UBR1: variants seen among roughly 807,000 people sequenced by gnomAD.
The protein encoded by UBR1 is ubiquitin protein ligase E3 component n-recognin 1.
In UBR1, 102 loss-of-function variants were observed where a neutral mutation model predicts 242.1. The ratio of observed to expected loss-of-function variants is 0.42; its 90% CI spans 0.36 to 0.50. The LOEUF (loss-of-function observed/expected upper bound fraction) is 0.50, where lower values mean the gene tolerates loss of function less well. Among genes scored for constraint, UBR1 ranks in the 20% least tolerant of loss-of-function variants. The probability of loss-of-function intolerance (pLI) is 0.01; values close to 1 mark genes in which losing one functional copy is unlikely to be tolerated. For missense variants in UBR1, 1,772 were observed against 2,101.8 expected (o/e 0.84, Z 3.07); for synonymous variants, 675 against 684.8 (o/e 0.99, Z 0.22).
intron 10 of UBR1, among the ~76,000 whole-genome samples, chr15:43,057,963 G>A (rs979131975): frequency 1.3e-5 from 2 of 151,786 alleles, no homozygotes; most frequent in Non-Finnish European, 1.5e-5. Flanking sequence ...AGACTAGAGG[G>A]CAGTGGCGCG....
chr15:43,021,398 AC>A (rs1161721694), intron 26 of UBR1, 23 bp from the exon 27 acceptor site: 1 of 1,606,484 alleles, frequency 6.2e-7, no homozygotes, highest in Admixed American at 1.7e-5. Flanking sequence ...ACAAAATCAC[AC>A]ATCATAAATA....
chr15:43,011,906 T>C, intron 29 of UBR1: 1 of 453,666 alleles, frequency 2.2e-6, no homozygotes, highest in East Asian at 7.0e-5. Flanking sequence ...GAGACCACTA[T>C]GCAGCAGTCA....
Position 42,977,893 on chromosome 15 carries a change from A to G in UBR1, c.4205T>C (p.Leu1402Pro). 1 of 1,613,138 alleles carries G rather than the reference A, an allele frequency of 6.2e-7. No homozygotes were observed. The highest frequency in any genetic ancestry group is 8.5e-7 in the Non-Finnish European group (1 of 1,179,316). The change falls in exon 38 of 47, where the codon CTG becomes CCG. Residue 1402 changes from leucine (L) to proline (P), a missense_variant. By Grantham distance (98) the Leu-to-Pro change is moderately conservative (BLOSUM62 -3). Coordinates refer to ENST00000290650, the MANE Select transcript of UBR1 (RefSeq NM_174916.3). The part of the protein sequence containing the change: ...EDTPCLLSID[L>P]FHVLVGAVLA... ...CTGAACACTTACCAAAACATGAAAC[A>G]GATCTATAGACAGAAGGCATGGTGT...
rs542981641 is a variant in UBR1 at position 43,029,804 on chromosome 15, G to A, written c.2379+140C>T. On this transcript the variant is annotated intron_variant, in intron 21 of 46. Coordinates refer to ENST00000290650, the MANE Select transcript of UBR1 (RefSeq NM_174916.3). ...AGAATTAAAATTTATACCACTAAAG[G>A]ATGAAGGTGATTGGTTTACATCTAT... 99 of 900,132 alleles carry A rather than the reference G, an allele frequency of 1.1e-4. 1 individual carries two copies. In the East Asian group the frequency reaches 1.3e-3, roughly 12 times the overall value. The allele number at this position is 900,132 out of a possible 1,614,324, so 55.8% of individuals were successfully genotyped here.
intron 1 of UBR1, among the ~76,000 whole-genome samples, chr15:43,088,268 A>C (rs1012780446): frequency 5.9e-5 from 9 of 152,210 alleles, no homozygotes; most frequent in Admixed American, 3.3e-4. Context: ...ATATATATTT[A>C]CATCCACCAG....
chr15:42,970,513 T>C lies in UBR1; in HGVS notation c.4457+7A>G. ...ACAATAGACTGAACTAATGGATTGTTACTCACCCACTTGTATATTGAGAAA... is the reference window on the plus strand; with the variant it reads ...ACAATAGACTGAACTAATGGATTGTCACTCACCCACTTGTATATTGAGAAA... On this transcript the variant is annotated splice_region_variant and intron_variant, in intron 40 of 46. Transcript: ENST00000290650. The C allele has an allele frequency of 2.5e-6, 4 of 1,612,002 alleles. No individual in the cohort carries two copies. The highest frequency in any genetic ancestry group is 2.2e-5 in the East Asian group (1 of 44,866).
intron 35 of UBR1, among the ~76,000 whole-genome samples, chr15:42,987,060 A>G (rs1008698183): frequency 3.2e-4 from 48 of 152,228 alleles, no homozygotes; most frequent in African/African-American, 1.1e-3. Context: ...CTCAGCTCCC[A>G]TGCCCCTGCA....
At chr15:43,069,652 T>A (rs2033799852) in intron 5 of UBR1, among the ~76,000 whole-genome samples, 1 of 152,184 alleles carries the variant, frequency 6.6e-6, no homozygotes, top group Admixed American at 6.5e-5. Flanking sequence ...GAGGGGCATA[T>A]TTTCTCAGCC....
chr15:42,953,159 A>G (rs1343708596), intron 44 of UBR1, among the ~76,000 whole-genome samples: 1 of 152,360 alleles, frequency 6.6e-6, no homozygotes, highest in East Asian at 1.9e-4. Flanking sequence ...GACTTGCTTG[A>G]GTCAACTAGT....
intron 39 of UBR1, among the ~76,000 whole-genome samples, chr15:42,971,021 G>C (rs967205961): frequency 6.6e-6 from 1 of 152,148 alleles, no homozygotes; most frequent in African/African-American, 2.4e-5. Flanking sequence ...AGCCCCACCT[G>C]TTTTTAATCT....
chr15:43,054,712 T>G (rs1225571495), intron 12 of UBR1, 30 bp downstream of exon 12: 1 of 1,613,206 alleles, frequency 6.2e-7, no homozygotes, highest in East Asian at 2.2e-5. Flanking sequence ...GTTTAACAGG[T>G]GCCCTCACCT....
chr15:43,101,212 G>A (rs1003394816), intron 1 of UBR1, among the ~76,000 whole-genome samples: 1 of 152,088 alleles, frequency 6.6e-6, no homozygotes, highest in African/African-American at 2.4e-5. Flanking sequence ...TTGAAGGCTT[G>A]TAATGAGTTT....
chr15:43,058,094 G>A (rs1280329270), intron 10 of UBR1, among the ~76,000 whole-genome samples: 1 of 152,026 alleles, frequency 6.6e-6, no homozygotes, highest in African/African-American at 2.4e-5. Context: ...ATTTGTAGTA[G>A]AGACGGGGTT....
At chr15:43,081,165 T>A (rs1328642826) in intron 3 of UBR1, among the ~76,000 whole-genome samples, 1 of 152,164 alleles carries the variant, frequency 6.6e-6, no homozygotes, top group Non-Finnish European at 1.5e-5. Context: ...ACGCCTGTAA[T>A]CCCAGCACTT....
At chr15:42,993,486 A>T (rs1230013259) in intron 33 of UBR1, among the ~76,000 whole-genome samples, 1 of 151,876 alleles carries the variant, frequency 6.6e-6, no homozygotes, top group Non-Finnish European at 1.5e-5. Context: ...TCCTGCCTCA[A>T]CCATCCGAGT....
At chr15:42,970,727 T>C (rs2032191004) in intron 39 of UBR1, 120 bp from the exon 40 acceptor site, 4 of 256,852 alleles carry the variant, frequency 1.6e-5, no homozygotes, top group South Asian at 8.5e-5. Context: ...GGTTCTTTCC[T>C]TTTTTTTTTT....
chr15:43,072,233 A>C (rs770738419), intron 4 of UBR1, among the ~76,000 whole-genome samples: 1 of 152,210 alleles, frequency 6.6e-6, no homozygotes, highest in Non-Finnish European at 1.5e-5. Flanking sequence ...TACACCATAT[A>C]AACAGAATAA....
chr15:42,999,554 T>A, intron 32 of UBR1, among the ~76,000 whole-genome samples: 1 of 152,124 alleles, frequency 6.6e-6, no homozygotes, highest in Non-Finnish European at 1.5e-5. Flanking sequence ...AAGGGCTGGG[T>A]GCAGTGGCTC....
chr15:43,027,864 TATA>T (rs1241593777), intron 21 of UBR1, 36 bp from the exon 22 acceptor site: 4 of 1,504,994 alleles, frequency 2.7e-6, no homozygotes, highest in African/African-American at 2.7e-5. Context: ...TTTACCTTCA[TATA>T]ATGACTTCCA....
Sources: gnomAD v4.1 joint callset for allele counts (sites outside exome capture counted in the v4.1 genomes callset) on GRCh38, gnomAD v4.1.1 for gene constraint, MANE v1.5 for transcripts, NCBI Gene and HGNC (gene_info 2026-07-23, HGNC 2026-07-21) for gene names.